The following TARBP1 variants were observed in gnomAD, a reference collection of about 807,000 sequenced individuals.
TARBP1 encodes the protein tRNA (guanosine(18)-2'-O)-methyltransferase TARBP1.
TARBP1 carries 144 observed loss-of-function variants against 178.6 expected under a neutral mutation model. The observed-to-expected ratio is 0.81, with a 90% CI of 0.70 to 0.93. The LOEUF (loss-of-function observed/expected upper bound fraction) is 0.93. TARBP1 is among the 40% of genes least tolerant of loss of function. The pLI is 0.00. For synonymous variants in TARBP1, 787 were observed against 781.0 expected (o/e 1.01, Z -0.13); for missense variants, 2,067 against 2,011.7 (o/e 1.03, Z -0.53).
In TARBP1 at chr1:234,427,315, A is replaced by C. The variant is rs993471240; in HGVS notation, c.3323+2T>G. On this transcript the variant is annotated splice_donor_variant, in intron 19 of 29. Transcript: ENST00000040877. LOFTEE classifies it high-confidence loss of function. ...AAGACAGAGAAAATCTACCATACTT[A>C]CTTTTCCATAACAATATTTGCCGCA... is the stretch of plus-strand genomic sequence containing the variant. 3.1e-6 allele frequency: 5 copies of C among 1,605,490 alleles called. No homozygotes were observed. The highest frequency in any genetic ancestry group is 4.3e-6 in the Non-Finnish European group (5 of 1,174,158).
rs1669193902 is a variant in TARBP1, at chr1:234,472,751, T to C, written c.992A>G (p.Asn331Ser). The C allele has an allele frequency of 6.2e-7, 1 of 1,604,068 alleles. No individual in the cohort carries two copies. The highest frequency in any genetic ancestry group is 1.1e-5 in the South Asian group (1 of 87,864). ...KKDELLKFWE[N>S]YILIMETLEG... ...TAAAGTCTCCATAATTAAAATATAA[T>C]TTTCCCAAAACTTTAGAAGCTCATC... The change falls in exon 2 of 30, where the codon AAT (asparagine) becomes AGT (serine). Residue 331 changes from asparagine (N) to serine (S), a missense_variant. Asn to Ser is a conservative substitution (Grantham distance 46). Coordinates refer to ENST00000040877, the MANE Select transcript of TARBP1 (RefSeq NM_005646.4).
chr1:234,464,971 T>A (rs932421202), intron 5 of TARBP1, among the ~76,000 whole-genome samples: 2 of 152,238 alleles, frequency 1.3e-5, no homozygotes, highest in Admixed American at 6.5e-5. Flanking sequence ...CACTGTCAGA[T>A]ACGGAAAGGA....
intron 13 of TARBP1, among the ~76,000 whole-genome samples, chr1:234,435,494 A>G (rs774932041): frequency 1.3e-5 from 2 of 152,192 alleles, no homozygotes; most frequent in Non-Finnish European, 2.9e-5. Flanking sequence ...TAAATAAATA[A>G]ATAAAATGAA....
At position 234,478,810 on chromosome 1, in the gene TARBP1, C is replaced by T; in HGVS notation, c.294G>A (p.Arg98=). ...LQPRHRRRVL[R]AAGAALRSCV... is the part of the protein sequence containing the mutation. ...ACGAGCGCAGGGCCGCGCCCGCCGCCCTCAGCACGCGCCGGCGGTGGCGAG... is the reference window on the plus strand; with the variant it reads ...ACGAGCGCAGGGCCGCGCCCGCCGCTCTCAGCACGCGCCGGCGGTGGCGAG... Residue 98 remains arginine, a synonymous_variant, in exon 1 of 30, where the codon AGG becomes AGA. Transcript: ENST00000040877. 8.6e-7 allele frequency: 1 copy of T among 1,159,120 alleles called. No homozygotes were observed. Among genetic ancestry groups the T allele is most frequent in the South Asian group, 4.1e-5 (1 of 24,312 alleles). The allele number at this position is 1,159,120 out of a possible 1,614,324, so 71.8% of individuals were successfully genotyped here.
intron 7 of TARBP1, 92 bp from the exon 8 acceptor site, chr1:234,459,418 A>T: frequency 2.1e-6 from 2 of 944,304 alleles, no homozygotes; most frequent in Non-Finnish European, 3.2e-6. Context: ...TAACAACTAC[A>T]CTTCCTAATG....
chr1:234,402,223 G>A (rs1269163547), intron 24 of TARBP1, among the ~76,000 whole-genome samples: 3 of 152,202 alleles, frequency 2.0e-5, no homozygotes, highest in Non-Finnish European at 2.9e-5. Flanking sequence ...CACCTTTGGT[G>A]GGAGAAGGAA....
chr1:234,443,441 T>C (rs1025582182), intron 12 of TARBP1, among the ~76,000 whole-genome samples: 1 of 152,222 alleles, frequency 6.6e-6, no homozygotes, highest in African/African-American at 2.4e-5. Flanking sequence ...TTATACCCAT[T>C]AGGATGGCTA....
At chr1:234,463,103 C>T (rs1342636960) in intron 6 of TARBP1, among the ~76,000 whole-genome samples, 1 of 149,392 alleles carries the variant, frequency 6.7e-6, no homozygotes, top group Admixed American at 6.9e-5. Context: ...AGGACAAGGT[C>T]TTACATAAAA....
At position 234,477,926 on chromosome 1, in the gene TARBP1, T is replaced by C. The variant is rs1669719378; in HGVS notation, c.931+247A>G. Among the ~76,000 whole-genome samples the C allele has an allele frequency of 2.0e-5, 3 of 152,198 alleles. 1 individual carries two copies. The highest frequency in any genetic ancestry group is 2.0e-4 in the Admixed American group (3 of 15,282). The stretch of plus-strand genomic sequence containing the variant: ...GGGCTCCATTATCTTCCTAAACTAT[T>C]CCAGGGGTGCTGTATTCCACCGGCT... On this transcript the variant is annotated intron_variant, in intron 1 of 29. Coordinates refer to ENST00000040877, the MANE Select transcript of TARBP1 (RefSeq NM_005646.4).
At chr1:234,437,224 G>A in intron 13 of TARBP1, 51 bp downstream of exon 13, 2 of 988,140 alleles carry the variant, frequency 2.0e-6, no homozygotes, top group Non-Finnish European at 3.0e-6. Flanking sequence ...TCAAATATTG[G>A]TGAAAAGAAT....
Position 234,429,119 on chromosome 1 carries a change from A to T in TARBP1, c.3060+17T>A, listed in dbSNP as rs534317551. ...CACACATGAAAAGAAAAGCAAAAAG[A>T]AAAGAAAGTTAGTTACCTCTTTTAT... On this transcript the variant is annotated intron_variant, in intron 17 of 29. Transcript: ENST00000040877. 8.2e-7 allele frequency: 1 copy of T among 1,221,244 alleles called. No individual in the cohort carries two copies. Among genetic ancestry groups the T allele is most frequent in the African/African-American group, 2.0e-5 (1 of 49,400 alleles). The allele number at this position is 1,221,244 out of a possible 1,614,324, so 75.7% of individuals were successfully genotyped here. A position where few individuals can be genotyped will look rare whatever the true frequency, so the allele number is the denominator to read the frequency against.
chr1:234,406,263 G>A (rs1661230194), intron 23 of TARBP1, 164 bp from the exon 24 acceptor site: 3 of 621,760 alleles, frequency 4.8e-6, no homozygotes, highest in South Asian at 4.3e-5. Flanking sequence ...GGTCAAATGC[G>A]GTGCACAGGC....
rs770790859 is a variant in TARBP1, at chr1:234,430,148, T to C, written c.2548A>G (p.Thr850Ala). Residue 850 changes from threonine to alanine, a missense_variant, in exon 15 of 30, where the codon ACG (threonine) becomes GCG (alanine). Transcript: ENST00000040877. ...TCCTCTGCGTGGGGCTTCTGCAGCG[T>C]CTGATTGAGCTGAAGAGAGGAAAGG... ...SFLSSLQLNQ[T>A]LQKPHAEEQS... The C allele has an allele frequency of 5.6e-6, 9 of 1,614,156 alleles. No individual in the cohort carries two copies. Among genetic ancestry groups the C allele is most frequent in the Admixed American group, 5.0e-5 (3 of 60,024 alleles).
At chr1:234,432,810 G>C (rs1308152498) in intron 14 of TARBP1, among the ~76,000 whole-genome samples, 1 of 152,166 alleles carries the variant, frequency 6.6e-6, no homozygotes, top group Non-Finnish European at 1.5e-5. Flanking sequence ...TGGACAGCTA[G>C]GCTGAAAAAT....
chr1:234,425,210 C>T (rs749507403), intron 20 of TARBP1, among the ~76,000 whole-genome samples: 10 of 151,868 alleles, frequency 6.6e-5, no homozygotes, highest in Non-Finnish European at 1.2e-4. Context: ...CCAGCCTGGG[C>T]GACAGAGCAA....
At position 234,457,763 on chromosome 1, in the gene TARBP1, A is replaced by C. The variant is rs773327840; in HGVS notation, c.1633-7T>G. ...CAGAAAGTGACACTTTCTCCTGGGC[A>C]GGGCAGGAAAGGTTTTAAAAATTAC... is the stretch of plus-strand genomic sequence containing the variant. On this transcript the variant is annotated splice_polypyrimidine_tract_variant and splice_region_variant and intron_variant, in intron 8 of 29. Transcript: ENST00000040877. 6.3e-7 allele frequency: 1 copy of C among 1,594,220 alleles called. No homozygotes were observed. Among genetic ancestry groups the C allele is most frequent in the East Asian group, 2.3e-5 (1 of 44,312 alleles).
chr1:234,457,680 G>A lies in TARBP1; in HGVS notation c.1709C>T (p.Ser570Leu), dbSNP rs1045166648. Reference sequence around the variant, plus strand: ...CTTTAATCTCACCTCTGTCCACAATGAAGTTCCTCGTCCTAAGGATTCCTC... The same window carrying A: ...CTTTAATCTCACCTCTGTCCACAATAAAGTTCCTCGTCCTAAGGATTCCTC... ...RQEESLGRGTSLWTELCDWLR... is the reference protein window; with the variant it reads ...RQEESLGRGTLLWTELCDWLR... Residue 570 changes from serine (S) to leucine (L), a missense_variant, in exon 9 of 30, where the codon TCA (serine) becomes TTA (leucine). Transcript: ENST00000040877. The A allele has an allele frequency of 1.9e-6, 3 of 1,606,640 alleles. No homozygotes were observed. The African/African-American group carries it at 4.0e-5, about 22-fold the overall frequency.
At chr1:234,432,165 G>C (rs113866084) in intron 14 of TARBP1, among the ~76,000 whole-genome samples, 19,836 of 149,688 alleles carry the variant, frequency 0.13, 1,451 homozygotes, top group Middle Eastern at 0.26. Flanking sequence ...CTTGAGGCCA[G>C]GCACGGTGGC....
chr1:234,446,032 C>T (rs914923970), intron 12 of TARBP1, among the ~76,000 whole-genome samples: 4 of 143,550 alleles, frequency 2.8e-5, no homozygotes, highest in African/African-American at 1.0e-4. Flanking sequence ...GGTTCTGCTA[C>T]TATCATTATA....
Sources: allele counts gnomAD v4.1 joint callset (sites outside exome capture counted in the v4.1 genomes callset), GRCh38; gene constraint gnomAD v4.1.1; transcripts MANE v1.5; gene names NCBI Gene and HGNC (gene_info 2026-07-23, HGNC 2026-07-21).